DTNB: variants seen among roughly 807,000 people sequenced by gnomAD.
The protein encoded by DTNB is dystrobrevin beta, also known as DTN-B.
A neutral mutation model predicts 90.7 loss-of-function variants in DTNB; 63 were observed. The ratio of observed to expected loss-of-function variants is 0.69; its 90% CI spans 0.57 to 0.86. The LOEUF (loss-of-function observed/expected upper bound fraction) is 0.86. Ranked by LOEUF, DTNB falls within the 40% of genes least tolerant of loss-of-function variation. The probability of loss-of-function intolerance (pLI) is 0.00; values close to 1 mark genes in which losing one functional copy is unlikely to be tolerated. For synonymous variants in DTNB, 277 were observed against 286.7 expected, an observed-to-expected ratio of 0.97 and a Z score of 0.34; for missense variants, 744 against 807.1, an observed-to-expected ratio of 0.92 and a Z score of 0.95.
At chr2:25,511,068 T>C (rs2073836650) in intron 9 of DTNB, among the ~76,000 whole-genome samples, 3 of 152,192 alleles carry the variant, frequency 2.0e-5, no homozygotes. Context: ...ATAAAATGTT[T>C]ATGTTTCCTA....
At chr2:25,508,156 G>A (rs961102669) in intron 9 of DTNB, among the ~76,000 whole-genome samples, 1 of 152,008 alleles carries the variant, frequency 6.6e-6, no homozygotes, top group African/African-American at 2.4e-5. Context: ...ATTTTTGCCT[G>A]TTTCCCACCA....
chr2:25,621,140 A>C (rs985611990), intron 4 of DTNB, among the ~76,000 whole-genome samples: 2 of 152,200 alleles, frequency 1.3e-5, no homozygotes, highest in Non-Finnish European at 1.5e-5. Context: ...CCTTCTAAAA[A>C]CAAGCAGGGA....
chr2:25,507,130 A>G (rs1166180788), intron 9 of DTNB, among the ~76,000 whole-genome samples: 1 of 152,218 alleles, frequency 6.6e-6, no homozygotes, highest in Non-Finnish European at 1.5e-5. Context: ...GTAAGTTGAC[A>G]ATTCCCAAAT....
At chr2:25,542,647 C>T (rs1253038828) in intron 8 of DTNB, among the ~76,000 whole-genome samples, 1 of 152,062 alleles carries the variant, frequency 6.6e-6, no homozygotes, top group African/African-American at 2.4e-5. Flanking sequence ...GTCACTCAGG[C>T]CTGGTTGTTT....
intron 8 of DTNB, among the ~76,000 whole-genome samples, chr2:25,535,980 A>G (rs1306179570): frequency 1.6e-4 from 19 of 120,662 alleles, no homozygotes; most frequent in Non-Finnish European, 3.2e-4. Context: ...GGCGCTCCTC[A>G]CCTCCCAGAG....
At chr2:25,535,209 T>G (rs2079219322) in intron 8 of DTNB, among the ~76,000 whole-genome samples, 1 of 144,524 alleles carries the variant, frequency 6.9e-6, no homozygotes, top group Admixed American at 6.9e-5. Context: ...GAGGCACTCC[T>G]CACATCCCAG....
chr2:25,580,638 T>C (rs2061427209), intron 7 of DTNB, 83 bp downstream of exon 7: 2 of 1,225,880 alleles, frequency 1.6e-6, no homozygotes, highest in African/African-American at 3.0e-5. Context: ...TTTTCAATGA[T>C]ATTAATAGCT....
At chr2:25,516,063 T>C (rs2075059127) in intron 9 of DTNB, among the ~76,000 whole-genome samples, 1 of 152,234 alleles carries the variant, frequency 6.6e-6, no homozygotes, top group African/African-American at 2.4e-5. Flanking sequence ...AATATGTACA[T>C]GATAAGGTAC....
At chr2:25,621,599 T>A (rs1006691635) in intron 4 of DTNB, among the ~76,000 whole-genome samples, 1 of 148,492 alleles carries the variant, frequency 6.7e-6, no homozygotes, top group African/African-American at 2.5e-5. Flanking sequence ...ACCACCACCA[T>A]GCCTGGCTAA....
intron 8 of DTNB, among the ~76,000 whole-genome samples, chr2:25,558,664 T>A (rs1451863538): frequency 6.6e-6 from 1 of 152,276 alleles, no homozygotes; most frequent in Middle Eastern, 3.2e-3. Context: ...CCATTTTGAA[T>A]GTTCTCGTTT....
intron 9 of DTNB, among the ~76,000 whole-genome samples, chr2:25,516,791 G>GA (rs2075208526): frequency 6.6e-6 from 1 of 152,110 alleles, no homozygotes; most frequent in Admixed American, 6.5e-5. Flanking sequence ...CTGGTAGGCT[G>GA]AGGAAGGAGA....
intron 9 of DTNB, among the ~76,000 whole-genome samples, chr2:25,524,795 C>T (rs1005496921): frequency 3.3e-5 from 5 of 152,196 alleles, no homozygotes; most frequent in Non-Finnish European, 7.3e-5. Context: ...AGGTTGGCTG[C>T]TCCAGTCATT....
intron 16 of DTNB, among the ~76,000 whole-genome samples, chr2:25,408,113 C>G (rs1358818789): frequency 6.6e-6 from 1 of 151,896 alleles, no homozygotes. Flanking sequence ...CGAGACTAGC[C>G]TGACCAACGT....
intron 10 of DTNB, among the ~76,000 whole-genome samples, chr2:25,468,970 T>G (rs1424687469): frequency 6.6e-6 from 1 of 152,212 alleles, no homozygotes; most frequent in East Asian, 1.9e-4. Context: ...TTAGTTGTAC[T>G]GAGTTTTCAA....
chr2:25,466,171 C>T (rs183908169), intron 10 of DTNB, among the ~76,000 whole-genome samples: 149 of 152,266 alleles, frequency 9.8e-4, no homozygotes, highest in Non-Finnish European at 1.7e-3. Context: ...CCTGTCTCTA[C>T]TAAAAAATAC....
At chr2:25,666,983 T>C (rs976805003) in intron 1 of DTNB, among the ~76,000 whole-genome samples, 5 of 152,010 alleles carry the variant, frequency 3.3e-5, no homozygotes, top group Non-Finnish European at 5.9e-5. Flanking sequence ...CTCAGGACCA[T>C]ACTCTATGAG....
At chr2:25,493,049 T>C (rs1387175173) in intron 9 of DTNB, among the ~76,000 whole-genome samples, 3 of 152,170 alleles carry the variant, frequency 2.0e-5, no homozygotes, top group Non-Finnish European at 4.4e-5. Context: ...CCACAGAACA[T>C]TTCTTTTAGC....
chr2:25,523,633 T>A (rs2076548648), intron 9 of DTNB, among the ~76,000 whole-genome samples: 1 of 135,462 alleles, frequency 7.4e-6, no homozygotes, highest in Non-Finnish European at 1.5e-5. Flanking sequence ...AGAGCAAGAC[T>A]CTGTCTCCAA....
intron 8 of DTNB, among the ~76,000 whole-genome samples, chr2:25,536,629 G>A (rs1017002273): frequency 3.9e-5 from 6 of 152,316 alleles, no homozygotes; most frequent in African/African-American, 9.6e-5. Flanking sequence ...CGGAGCCCGA[G>A]GCAGGGAGGT....
Sources: allele counts gnomAD v4.1 joint callset (sites outside exome capture counted in the v4.1 genomes callset), GRCh38; gene constraint gnomAD v4.1.1; transcripts MANE v1.5; gene names NCBI Gene and HGNC (gene_info 2026-07-23, HGNC 2026-07-21).